SINHCAF: variants seen among roughly 807,000 people sequenced by gnomAD.
SINHCAF encodes SIN3-HDAC complex-associated factor.
A neutral mutation model predicts 25.8 loss-of-function variants in SINHCAF; 3 were observed. That is an observed-to-expected ratio of 0.12 (90% CI 0.05 to 0.30). The LOEUF (loss-of-function observed/expected upper bound fraction) is 0.30, where lower values mean the gene tolerates loss of function less well. SINHCAF is among the 10% of genes least tolerant of loss of function. The probability of loss-of-function intolerance (pLI) is 1.00; values close to 1 mark genes in which losing one functional copy is unlikely to be tolerated. For missense variants in SINHCAF, 121 were observed against 262.3 expected (o/e 0.46, Z 3.72); for synonymous variants, 70 against 85.5 (o/e 0.82, Z 1.00).
intron 1 of SINHCAF, among the ~76,000 whole-genome samples, chr12:31,310,793 T>A (rs1308848868): frequency 1.3e-5 from 2 of 152,090 alleles, no homozygotes; most frequent in Non-Finnish European, 2.9e-5. Flanking sequence ...TCATGTTTTA[T>A]CAAAGTGGGT....
At chr12:31,299,625 ATT>A (rs1938702438) in intron 1 of SINHCAF, among the ~76,000 whole-genome samples, 1 of 152,174 alleles carries the variant, frequency 6.6e-6, no homozygotes, top group Non-Finnish European at 1.5e-5. Context: ...CAAGAAAATT[ATT>A]AATATCACTT....
intron 1 of SINHCAF, among the ~76,000 whole-genome samples, chr12:31,301,041 A>G (rs766728844): frequency 1.3e-5 from 2 of 152,212 alleles, no homozygotes; most frequent in African/African-American, 2.4e-5. Context: ...CAAAGCTATC[A>G]GCATTCAGCT....
Position 31,291,890 on chromosome 12 carries a change from CAT to C in SINHCAF, c.355+1913_355+1914del, listed in dbSNP as rs574748372. On this transcript the variant is annotated intron_variant, in intron 4 of 5. Transcript: ENST00000337682. ...TTAGTGGGTGATATATAAAAATTCA[CAT>C]GTTTCCCAACTGCTTCAATGCACAA... is the stretch of plus-strand genomic sequence containing the variant. Among the ~76,000 whole-genome samples, 155 of 152,290 alleles carry C rather than the reference CAT, an allele frequency of 1.0e-3. 1 individual carries two copies. Among genetic ancestry groups the C allele is most frequent in the African/African-American group, 3.5e-3 (145 of 41,570 alleles).
intron 1 of SINHCAF, among the ~76,000 whole-genome samples, chr12:31,317,390 T>G (rs904457838): frequency 5.9e-5 from 9 of 151,522 alleles, no homozygotes; most frequent in Non-Finnish European, 8.8e-5. Context: ...TGTCAACGAA[T>G]TTTCAGACTG....
At chr12:31,299,322 T>A (rs1339775698) in intron 1 of SINHCAF, among the ~76,000 whole-genome samples, 1 of 148,632 alleles carries the variant, frequency 6.7e-6, no homozygotes, top group African/African-American at 2.5e-5. Flanking sequence ...AGAAAAAAAT[T>A]TTTTTTTTTT....
At chr12:31,308,954 C>T (rs898629696) in intron 1 of SINHCAF, among the ~76,000 whole-genome samples, 1 of 151,612 alleles carries the variant, frequency 6.6e-6, no homozygotes, top group Non-Finnish European at 1.5e-5. Context: ...ATCATGAAAC[C>T]CCGTCTCTAC....
intron 1 of SINHCAF, chr12:31,311,802 TG>T: frequency 4.1e-6 from 2 of 487,978 alleles, no homozygotes; most frequent in Non-Finnish European, 4.0e-6. Context: ...AACTTTTAAG[TG>T]GGGTGGTGGG....
intron 1 of SINHCAF, among the ~76,000 whole-genome samples, chr12:31,302,355 T>C (rs1361541947): frequency 6.6e-6 from 1 of 151,930 alleles, no homozygotes; most frequent in Non-Finnish European, 1.5e-5. Context: ...GAGTGAATTT[T>C]ATGGTACGTG....
At chr12:31,313,907 A>G (rs1939387131) in intron 1 of SINHCAF, among the ~76,000 whole-genome samples, 1 of 151,904 alleles carries the variant, frequency 6.6e-6, no homozygotes, top group Non-Finnish European at 1.5e-5. Context: ...CACCCTCCTC[A>G]GCCTCCCAAA....
chr12:31,286,109 C>T (rs536581730), intron 5 of SINHCAF, among the ~76,000 whole-genome samples: 1 of 152,022 alleles, frequency 6.6e-6, no homozygotes, highest in Non-Finnish European at 1.5e-5. Context: ...TGGTTAGAAC[C>T]TTCTGTATAA....
At chr12:31,283,348 A>G (rs1029731983) in intron 5 of SINHCAF, among the ~76,000 whole-genome samples, 2 of 152,178 alleles carry the variant, frequency 1.3e-5, no homozygotes, top group African/African-American at 4.8e-5. Context: ...TACACCTGTA[A>G]TCCCAGCAGT....
chr12:31,298,233 C>G lies in SINHCAF; in HGVS notation c.-20-9G>C, dbSNP rs764607185. On this transcript the variant is annotated splice_polypyrimidine_tract_variant and intron_variant, in intron 1 of 5. Coordinates refer to ENST00000337682, the MANE Select transcript of SINHCAF (RefSeq NM_001135812.2). ...TTCTTCTGGGCAATAGTCTGTAAAGCCAAGGGAATTGACATATCTTTGTTG... is the reference window on the plus strand; with the variant it reads ...TTCTTCTGGGCAATAGTCTGTAAAGGCAAGGGAATTGACATATCTTTGTTG... 6.2e-7 allele frequency: 1 copy of G among 1,613,220 alleles called. No homozygotes were observed. The highest frequency in any genetic ancestry group is 1.1e-5 in the South Asian group (1 of 91,076).
At chr12:31,294,627 AAAGG>A (rs1445475733) in intron 3 of SINHCAF, among the ~76,000 whole-genome samples, 2 of 152,174 alleles carry the variant, frequency 1.3e-5, no homozygotes, top group Non-Finnish European at 2.9e-5. Context: ...CCCCATGTAA[AAAGG>A]AAGGTTGTTA....
Position 31,325,229 on chromosome 12 carries a change from G to A in SINHCAF, c.-21+795C>T. 1 of 456,804 alleles carries A rather than the reference G, an allele frequency of 2.2e-6. No homozygotes were observed. The highest frequency in any genetic ancestry group is 1.5e-5 in the South Asian group (1 of 64,574). 28.3% of individuals were successfully genotyped at this position (456,804 alleles called of 1,614,324 possible). On this transcript the variant is annotated intron_variant, in intron 1 of 5. Transcript: ENST00000337682. The surrounding 1 kb of genome is among the most constrained non-coding windows in gnomAD (Gnocchi z 5.9). ...CCTACGCTACAGGTGAACGCACCGG[G>A]AGCAAAACTTCGGGCTCCGAAAGCA...
intron 1 of SINHCAF, among the ~76,000 whole-genome samples, chr12:31,312,442 C>A (rs1225947799): frequency 6.6e-6 from 1 of 152,104 alleles, no homozygotes; most frequent in African/African-American, 2.4e-5. Flanking sequence ...TTCAGTAGAT[C>A]TTGCTAAACT....
chr12:31,311,621 C>T (rs531471594), intron 1 of SINHCAF: 304 of 365,892 alleles, frequency 8.3e-4, no homozygotes, highest in Non-Finnish European at 1.4e-3. Context: ...CCAAGCATGG[C>T]GGCTGCCAAG....
In SINHCAF at chr12:31,324,698, A is replaced by G. The variant is rs1939882617; in HGVS notation, c.-21+1326T>C. ...GCGCTGCCTACGTGCAGCATCAGGGATGTCGGAGCGTTTCGCAGGGGCCGG... is the reference window on the plus strand; with the variant it reads ...GCGCTGCCTACGTGCAGCATCAGGGGTGTCGGAGCGTTTCGCAGGGGCCGG... On this transcript the variant is annotated intron_variant, in intron 1 of 5. Coordinates refer to ENST00000337682, the MANE Select transcript of SINHCAF (RefSeq NM_001135812.2). The surrounding 1 kb of genome is among the most constrained non-coding windows in gnomAD (Gnocchi z 5.5). 1 of 337,390 alleles carries G rather than the reference A, an allele frequency of 3.0e-6. No homozygotes were observed. The highest frequency in any genetic ancestry group is 5.9e-6 in the Non-Finnish European group (1 of 169,954). The allele number at this position is 337,390 out of a possible 1,614,324, so 20.9% of individuals were successfully genotyped here.
rs992321397 is a variant in SINHCAF at position 31,300,040 on chromosome 12, G to A, written c.-20-1816C>T. Among the ~76,000 whole-genome samples the A allele has an allele frequency of 1.2e-4, 19 of 152,244 alleles. No individual in the cohort carries two copies. In the East Asian group the frequency reaches 1.9e-3, roughly 15 times the overall value. On this transcript the variant is annotated intron_variant, in intron 1 of 5. Coordinates refer to ENST00000337682, the MANE Select transcript of SINHCAF (RefSeq NM_001135812.2). Reference sequence around the variant, plus strand: ...TATGCAGTCTGTGGTTGACCGAAACGTCCTTGTGTGACATATGGCTGTATT... The same window carrying A: ...TATGCAGTCTGTGGTTGACCGAAACATCCTTGTGTGACATATGGCTGTATT...
intron 1 of SINHCAF, among the ~76,000 whole-genome samples, chr12:31,300,955 C>A (rs949391047): frequency 1.8e-4 from 27 of 152,194 alleles, no homozygotes; most frequent in African/African-American, 6.0e-4. Flanking sequence ...ATACACAGAC[C>A]AAATCCTATT....
Sources: gnomAD v4.1 joint callset for allele counts (sites outside exome capture counted in the v4.1 genomes callset) on GRCh38, gnomAD v4.1.1 for gene constraint, Gnocchi (gnomAD v3.1) non-coding constraint, MANE v1.5 for transcripts, NCBI Gene and HGNC (gene_info 2026-07-23, HGNC 2026-07-21) for gene names.